Variants in NOL4 observed in about 807,000 individuals in gnomAD.
NOL4 encodes nucleolar protein 4, also known as cancer/testis antigen 125.
A neutral mutation model predicts 75.9 loss-of-function variants in NOL4; 17 were observed. The ratio of observed to expected loss-of-function variants is 0.22; its 90% confidence interval spans 0.15 to 0.34. The LOEUF (loss-of-function observed/expected upper bound fraction) is 0.34, where lower values mean the gene tolerates loss of function less well. NOL4 is among the 10% of genes least tolerant of loss of function. NOL4 has a pLI of 1.00. For missense variants in NOL4, 614 were observed against 793.5 expected (o/e 0.77, Z 2.72); for synonymous variants, 292 against 289.9 (o/e 1.01, Z -0.07).
At chr18:34,213,843 A>G (rs910276318) in intron 1 of NOL4, among the ~76,000 whole-genome samples, 2 of 152,222 alleles carry the variant, frequency 1.3e-5, no homozygotes, top group African/African-American at 4.8e-5. Flanking sequence ...AAGAAGTATA[A>G]TTAAGAAAAA....
intron 1 of NOL4, among the ~76,000 whole-genome samples, chr18:34,176,301 C>A (rs1374855290): frequency 6.6e-6 from 1 of 151,576 alleles, no homozygotes; most frequent in African/African-American, 2.4e-5. Flanking sequence ...ACAAGAATAA[C>A]AAAGAAAAGT....
intron 1 of NOL4, among the ~76,000 whole-genome samples, chr18:34,206,065 T>C (rs2036101950): frequency 1.3e-5 from 2 of 152,176 alleles, no homozygotes. Flanking sequence ...CAAAATACTG[T>C]CTAATTTATC....
rs575221515 is a variant in NOL4 at position 34,135,676 on chromosome 18, C to T, written c.265-5656G>A. Among the ~76,000 whole-genome samples, 274 of 104,134 alleles carry T rather than the reference C, an allele frequency of 2.6e-3. 3 individuals are homozygous for T. Among genetic ancestry groups the T allele is most frequent in the East Asian group, 4.5e-3 (14 of 3,090 alleles). The allele number at this position is 104,134 out of a possible 152,430, so 68.3% of individuals were successfully genotyped here. A position where few individuals can be genotyped will look rare whatever the true frequency, so the allele number is the denominator to read the frequency against. ...TCACACCACTGCACTCCAGCCTGGGCGACAGAGTGAGACTCCATCTCAAAA... is the reference window on the plus strand; with the variant it reads ...TCACACCACTGCACTCCAGCCTGGGTGACAGAGTGAGACTCCATCTCAAAA... On this transcript the variant is annotated intron_variant, in intron 1 of 10. Transcript: ENST00000261592.
At chr18:34,116,012 C>A (rs1190332350) in intron 2 of NOL4, among the ~76,000 whole-genome samples, 1 of 152,008 alleles carries the variant, frequency 6.6e-6, no homozygotes, top group Non-Finnish European at 1.5e-5. Flanking sequence ...CAGTCTAAGT[C>A]CTTTAGGACT....
intron 2 of NOL4, among the ~76,000 whole-genome samples, chr18:34,106,193 G>A (rs904375947): frequency 1.7e-4 from 26 of 152,006 alleles, no homozygotes; most frequent in African/African-American, 6.3e-4. Context: ...TAAAAATGAG[G>A]GGAAATGTGC....
At chr18:34,134,620 T>G (rs1010661062) in intron 1 of NOL4, among the ~76,000 whole-genome samples, 2 of 151,776 alleles carry the variant, frequency 1.3e-5, no homozygotes, top group African/African-American at 4.8e-5. Flanking sequence ...AATACAAGAC[T>G]TGAACAATAC....
chr18:34,060,360 T>C (rs2077020621), intron 5 of NOL4, among the ~76,000 whole-genome samples: 1 of 152,222 alleles, frequency 6.6e-6, no homozygotes, highest in Non-Finnish European at 1.5e-5. Flanking sequence ...TTTTTAATGA[T>C]ATTGCTTTAT....
At chr18:34,072,849 TG>T (rs1167576847) in intron 5 of NOL4, among the ~76,000 whole-genome samples, 4 of 152,180 alleles carry the variant, frequency 2.6e-5, no homozygotes, top group African/African-American at 4.8e-5. Flanking sequence ...AATAATCTAT[TG>T]GTTAAGTAAG....
intron 5 of NOL4, among the ~76,000 whole-genome samples, chr18:34,057,477 T>A (rs981170079): frequency 2.0e-5 from 3 of 152,204 alleles, no homozygotes; most frequent in South Asian, 2.1e-4. Context: ...AACATCTCAA[T>A]CAAATCTGTT....
chr18:34,064,112 A>G (rs924196379), intron 5 of NOL4, among the ~76,000 whole-genome samples: 4 of 152,048 alleles, frequency 2.6e-5, no homozygotes, highest in African/African-American at 9.7e-5. Flanking sequence ...TACAATTGGC[A>G]TATTGTCACT....
chr18:34,170,398 G>A (rs1206475421), intron 1 of NOL4, among the ~76,000 whole-genome samples: 2 of 151,676 alleles, frequency 1.3e-5, no homozygotes, highest in Non-Finnish European at 2.9e-5. Flanking sequence ...CACCATGTTG[G>A]CCAGGCTGGT....
At chr18:33,908,067 T>C in intron 9 of NOL4, among the ~76,000 whole-genome samples, 1 of 152,184 alleles carries the variant, frequency 6.6e-6, no homozygotes, top group East Asian at 1.9e-4. Flanking sequence ...TTAGATTGAT[T>C]GTCACAAATG....
At chr18:34,111,736 T>A (rs1013455953) in intron 2 of NOL4, among the ~76,000 whole-genome samples, 2 of 151,844 alleles carry the variant, frequency 1.3e-5, no homozygotes, top group African/African-American at 4.8e-5. Context: ...TATGAAAAAA[T>A]GTCGAACATC....
At chr18:34,059,900 T>A (rs188895318) in intron 5 of NOL4, among the ~76,000 whole-genome samples, 31 of 152,088 alleles carry the variant, frequency 2.0e-4, no homozygotes, top group African/African-American at 6.3e-4. Flanking sequence ...TGGTCTAGTA[T>A]CCCAAATTCA....
chr18:33,977,417 G>A (rs986190130), intron 6 of NOL4, among the ~76,000 whole-genome samples: 1 of 152,062 alleles, frequency 6.6e-6, no homozygotes, highest in African/African-American at 2.4e-5. Context: ...GAGATCTGAT[G>A]GTTTTATACA....
At chr18:34,194,377 G>A (rs2035147876) in intron 1 of NOL4, among the ~76,000 whole-genome samples, 1 of 147,738 alleles carries the variant, frequency 6.8e-6, no homozygotes, top group South Asian at 2.1e-4. Context: ...AAGCAACTAA[G>A]AAAAGAAGAA....
At chr18:34,190,218 A>G (rs1440653134) in intron 1 of NOL4, among the ~76,000 whole-genome samples, 2 of 151,898 alleles carry the variant, frequency 1.3e-5, no homozygotes, top group African/African-American at 4.8e-5. Flanking sequence ...TAAAGTGGCA[A>G]AACAGATTGA....
chr18:33,976,949 C>T (rs1303990552), intron 6 of NOL4, among the ~76,000 whole-genome samples: 1 of 152,076 alleles, frequency 6.6e-6, no homozygotes, highest in Non-Finnish European at 1.5e-5. Context: ...ATTGCCCAGC[C>T]TGGCATCTAT....
intron 9 of NOL4, among the ~76,000 whole-genome samples, chr18:33,901,227 G>C (rs1263111020): frequency 6.6e-6 from 1 of 152,066 alleles, no homozygotes; most frequent in Non-Finnish European, 1.5e-5. Context: ...AATAGTCTTT[G>C]TTTATGTGAT....
Sources: gnomAD v4.1 joint callset for allele counts (sites outside exome capture counted in the v4.1 genomes callset) on GRCh38, gnomAD v4.1.1 for gene constraint, MANE v1.5 for transcripts, NCBI Gene and HGNC (gene_info 2026-07-23, HGNC 2026-07-21) for gene names.